CCDC171: variants seen among roughly 807,000 people sequenced by gnomAD.
CCDC171 encodes coiled-coil domain-containing protein 171.
Under a neutral mutation model 168.2 loss-of-function variants are expected in CCDC171, and 177 were observed. That is an observed-to-expected ratio of 1.05 (90% CI 0.93 to 1.19). CCDC171 has a LOEUF of 1.19. Among genes scored for constraint, CCDC171 ranks in the 50% most tolerant of loss-of-function variants. CCDC171 has a pLI of 0.00. For missense variants in CCDC171, 1,991 were observed against 1,539.0 expected, an observed-to-expected ratio of 1.29 and a Z score of -4.91; for synonymous variants, 687 against 540.8, an observed-to-expected ratio of 1.27 and a Z score of -3.75.
intron 21 of CCDC171, among the ~76,000 whole-genome samples, chr9:15,828,762 A>G (rs2060116491): frequency 6.6e-6 from 1 of 151,626 alleles, no homozygotes; most frequent in African/African-American, 2.4e-5. Flanking sequence ...TTTTAGAGAA[A>G]ACAGAATGAA....
intron 24 of CCDC171, among the ~76,000 whole-genome samples, chr9:15,880,314 A>G (rs1818446090): frequency 6.6e-6 from 1 of 152,128 alleles, no homozygotes. Context: ...AATTCTCTTT[A>G]TTCTTTTACA....
chr9:15,571,154 C>G (rs1292677747), intron 2 of CCDC171, among the ~76,000 whole-genome samples: 3 of 152,156 alleles, frequency 2.0e-5, no homozygotes, highest in African/African-American at 7.2e-5. Context: ...TGTTCTCTCT[C>G]TTGTGAGTTT....
intron 25 of CCDC171, among the ~76,000 whole-genome samples, chr9:15,968,738 C>T (rs1831054509): frequency 6.6e-6 from 1 of 152,034 alleles, no homozygotes; most frequent in African/African-American, 2.4e-5. Flanking sequence ...GAGGTTCCAC[C>T]ATGTTGGCCA....
At chr9:15,616,181 A>G (rs1471519549) in intron 6 of CCDC171, among the ~76,000 whole-genome samples, 1 of 152,046 alleles carries the variant, frequency 6.6e-6, no homozygotes, top group African/African-American at 2.4e-5. Context: ...CGAACTCCTG[A>G]TCTCAAGTGA....
chr9:15,666,096 C>A, intron 8 of CCDC171, 67 bp from the exon 9 acceptor site: 1 of 1,368,952 alleles, frequency 7.3e-7, no homozygotes, highest in Non-Finnish European at 1.0e-6. Flanking sequence ...ACAAAGTATT[C>A]TACTCAATTT....
intron 7 of CCDC171, among the ~76,000 whole-genome samples, chr9:15,631,040 A>T (rs1422004457): frequency 6.6e-6 from 1 of 152,098 alleles, no homozygotes; most frequent in African/African-American, 2.4e-5. Context: ...AGGGAAATTT[A>T]TAGCACTAAA....
chr9:15,633,778 T>C (rs1339949313), intron 7 of CCDC171, among the ~76,000 whole-genome samples: 2 of 152,182 alleles, frequency 1.3e-5, no homozygotes, highest in African/African-American at 4.8e-5. Flanking sequence ...CCAACCCAAA[T>C]GTCCAACAAT....
intron 24 of CCDC171, among the ~76,000 whole-genome samples, chr9:15,918,018 C>G (rs1204666624): frequency 1.3e-5 from 2 of 151,564 alleles, no homozygotes; most frequent in African/African-American, 4.8e-5. Context: ...TTTTAGAGTG[C>G]TTTCTTATAT....
At chr9:15,903,491 C>G (rs1406855990) in intron 24 of CCDC171, among the ~76,000 whole-genome samples, 1 of 149,186 alleles carries the variant, frequency 6.7e-6, no homozygotes, top group Non-Finnish European at 1.5e-5. Flanking sequence ...AGAAGGAAAA[C>G]TAACAGAAAG....
rs1831531770 is a variant in CCDC171, at chr9:15,973,646, C to T, written c.*1810C>T. ...TGTGTAACATGACCTGTATGAAATT[C>T]AACTTGCAAATTTATTATAACATGG... On this transcript the variant is annotated 3_prime_UTR_variant, in exon 26 of 26. Coordinates refer to ENST00000380701, the MANE Select transcript of CCDC171 (RefSeq NM_173550.4). 1 of 152,098 alleles carries T rather than the reference C, an allele frequency of 6.6e-6. No homozygotes were observed. The highest frequency in any genetic ancestry group is 2.4e-5 in the African/African-American group (1 of 41,428). The allele number at this position is 152,098 out of a possible 1,614,324, so 9.4% of individuals were successfully genotyped here. A position where few individuals can be genotyped will look rare whatever the true frequency, so the allele number is the denominator to read the frequency against.
rs1586922859 is a variant in CCDC171 at position 15,555,253 on chromosome 9, A to C, written c.-112+1951A>C. ...CATCTATTTTAGTAGGAATGGTGAG[A>C]TTAGTTCAACTCCACTATCAAAAAA... On this transcript the variant is annotated intron_variant, in intron 1 of 25. Transcript: ENST00000380701. Among the ~76,000 whole-genome samples, 5 of 152,202 alleles carry C rather than the reference A, an allele frequency of 3.3e-5. No individual in the cohort carries two copies. In the South Asian group the frequency reaches 1.0e-3, roughly 31 times the overall value.
intron 9 of CCDC171, among the ~76,000 whole-genome samples, chr9:15,674,285 A>G (rs987899006): frequency 1.1e-4 from 17 of 152,050 alleles, no homozygotes; most frequent in African/African-American, 2.4e-5. Flanking sequence ...AGTCTTATCT[A>G]TTTTGTTGAT....
chr9:15,708,815 T>C (rs1006262980), intron 11 of CCDC171, among the ~76,000 whole-genome samples: 1 of 152,182 alleles, frequency 6.6e-6, no homozygotes, highest in African/African-American at 2.4e-5. Flanking sequence ...CTGAAAAATA[T>C]AATAGGAACT....
intron 7 of CCDC171, among the ~76,000 whole-genome samples, chr9:15,626,130 G>C (rs138151532): frequency 6.6e-6 from 1 of 152,152 alleles, no homozygotes; most frequent in African/African-American, 2.4e-5. Flanking sequence ...TCATATTGGT[G>C]TATAAGAATG....
chr9:15,678,996 G>T (rs1041904233), intron 10 of CCDC171, 100 bp downstream of exon 10: 3 of 921,604 alleles, frequency 3.3e-6, no homozygotes, highest in African/African-American at 1.8e-5. Flanking sequence ...ATAATAGTAT[G>T]CAAGTTATTT....
chr9:15,925,589 C>G (rs1169786756), intron 25 of CCDC171, among the ~76,000 whole-genome samples: 1 of 151,538 alleles, frequency 6.6e-6, no homozygotes, highest in African/African-American at 2.4e-5. Flanking sequence ...TGTGAGGAAC[C>G]AGCTAGACAT....
chr9:15,818,054 A>T (rs1305731447), intron 21 of CCDC171, among the ~76,000 whole-genome samples: 1 of 117,630 alleles, frequency 8.5e-6, no homozygotes, highest in Non-Finnish European at 1.9e-5. Context: ...GCTGTTCTGC[A>T]GCCACCACTG....
chr9:15,770,291 C>T (rs926770315), intron 18 of CCDC171, among the ~76,000 whole-genome samples: 16 of 152,164 alleles, frequency 1.1e-4, no homozygotes, highest in Non-Finnish European at 2.9e-5. Flanking sequence ...TATGCTATGT[C>T]TTCTAAAAAA....
Position 15,724,942 on chromosome 9 carries a change from A to C in CCDC171, c.1658A>C (p.Gln553Pro). 1.9e-6 allele frequency: 3 copies of C among 1,613,950 alleles called. No homozygotes were observed. Among genetic ancestry groups the C allele is most frequent in the South Asian group, 1.1e-5 (1 of 91,084 alleles). ...GCAGCCCAGTCTGAAAGTGAACTGCAGAAGCTTTCCCAGGCTTTCCATAAG... is the reference window on the plus strand; with the variant it reads ...GCAGCCCAGTCTGAAAGTGAACTGCCGAAGCTTTCCCAGGCTTTCCATAAG... The part of the protein sequence containing the change: ...AQAAQSESEL[Q>P]KLSQAFHKDA... The change falls in exon 14 of 26, where the codon CAG (glutamine) becomes CCG (proline). Residue 553 changes from glutamine (Q) to proline (P), a missense_variant. Transcript: ENST00000380701.
Sources: gnomAD v4.1 joint callset for allele counts (sites outside exome capture counted in the v4.1 genomes callset) on GRCh38, gnomAD v4.1.1 for gene constraint, MANE v1.5 for transcripts, NCBI Gene and HGNC (gene_info 2026-07-23, HGNC 2026-07-21) for gene names.